The following MBP variants were observed in gnomAD, a reference collection of about 807,000 sequenced individuals.
MBP encodes the protein myelin basic protein.
Under a neutral mutation model 35.8 loss-of-function variants are expected in MBP, and 16 were observed. That is an observed-to-expected ratio of 0.45 (90% CI 0.30 to 0.68). The LOEUF (loss-of-function observed/expected upper bound fraction) is 0.68, where lower values mean the gene tolerates loss of function less well. Ranked by LOEUF, MBP falls within the 30% of genes least tolerant of loss-of-function variation. The probability of loss-of-function intolerance (pLI) is 0.08; values close to 1 mark genes in which losing one functional copy is unlikely to be tolerated. For missense variants in MBP, 380 were observed against 404.7 expected, an observed-to-expected ratio of 0.94 and a Z score of 0.52; for synonymous variants, 143 against 159.6, an observed-to-expected ratio of 0.90 and a Z score of 0.78.
At chr18:77,050,148 A>C (rs1399248716) in intron 3 of MBP, among the ~76,000 whole-genome samples, 1 of 152,226 alleles carries the variant, frequency 6.6e-6, no homozygotes, top group Non-Finnish European at 1.5e-5. Flanking sequence ...GCTATTCCAA[A>C]TTCTTGTTCA....
intron 8 of MBP, 75 bp from the exon 9 acceptor site, chr18:76,980,546 T>C (rs1271601469): frequency 8.6e-7 from 1 of 1,167,652 alleles, no homozygotes; most frequent in Non-Finnish European, 1.3e-6. Context: ...TCTTCTGTGG[T>C]CCCGGGTGGA....
In MBP at chr18:77,046,293, G is replaced by A. The variant is rs575530561; in HGVS notation, c.139+20005C>T. Among the ~76,000 whole-genome samples, 29 of 152,266 alleles carry A rather than the reference G, an allele frequency of 1.9e-4. 1 individual carries two copies. The highest frequency in any genetic ancestry group is 6.7e-4 in the African/African-American group (28 of 41,554). ...TTCTCAGGCACGGAAGCTTACTCCC[G>A]CATTAGCAAGATACCCAGTTTTGTC... On this transcript the variant is annotated intron_variant, in intron 3 of 8. Transcript: ENST00000355994.
intron 1 of MBP, among the ~76,000 whole-genome samples, chr18:77,116,677 G>A (rs1225387956): frequency 6.6e-6 from 1 of 152,120 alleles, no homozygotes; most frequent in African/African-American, 2.4e-5. Context: ...TGGCCAACAC[G>A]GCGAAACCCC....
chr18:77,035,531 CT>C (rs1480766560), intron 3 of MBP, among the ~76,000 whole-genome samples: 1 of 152,204 alleles, frequency 6.6e-6, no homozygotes, highest in Non-Finnish European at 1.5e-5. Flanking sequence ...AGTGCTCTCC[CT>C]GTGCTAGGAT....
At position 77,015,015 on chromosome 18, in the gene MBP, T is replaced by A. The variant is rs1971550406; in HGVS notation, c.576+1817A>T. 3 of 984,234 alleles carry A rather than the reference T, an allele frequency of 3.0e-6. No homozygotes were observed. The South Asian group carries it at 1.4e-4, about 46-fold the overall frequency. The allele number at this position is 984,234 out of a possible 1,614,324, so 61.0% of individuals were successfully genotyped here. On this transcript the variant is annotated intron_variant, in intron 4 of 8. Transcript: ENST00000355994. ...CCTGTTTTGCAAAGAGATGGACTAT[T>A]TCTGAGACTAGAATGTTTTCTTTGA...
In MBP at chr18:76,984,689, C is replaced by T. The variant is rs933913562; in HGVS notation, c.870+86G>A. The T allele has an allele frequency of 1.5e-5, 24 of 1,579,228 alleles. No individual in the cohort carries two copies. The East Asian group carries it at 1.8e-4, about 12-fold the overall frequency. On this transcript the variant is annotated intron_variant, in intron 8 of 8. Coordinates refer to ENST00000355994, the MANE Select transcript of MBP (RefSeq NM_001025101.2). ...GGGTACAGTGCGGCTGAGCCAGAGG[C>T]GGCAGCCACCCTTGTACTCAGCTTA... is the stretch of plus-strand genomic sequence containing the variant.
At chr18:77,100,951 C>T (rs546443338) in intron 2 of MBP, among the ~76,000 whole-genome samples, 1 of 152,188 alleles carries the variant, frequency 6.6e-6, no homozygotes, top group South Asian at 2.1e-4. Context: ...AGATCCACAG[C>T]ATTCAGAGAA....
intron 1 of MBP, chr18:77,128,044 C>A (rs1977114975): frequency 6.6e-6 from 1 of 152,148 alleles, no homozygotes; most frequent in African/African-American, 2.4e-5. Flanking sequence ...GCATTTATCC[C>A]AGAGAAATGA....
At chr18:77,073,894 G>A (rs1974547932) in intron 2 of MBP, among the ~76,000 whole-genome samples, 1 of 152,180 alleles carries the variant, frequency 6.6e-6, no homozygotes, top group South Asian at 2.1e-4. Flanking sequence ...CAAGCTAAAA[G>A]ATCACCATGA....
intron 2 of MBP, among the ~76,000 whole-genome samples, chr18:77,084,363 C>A (rs893022174): frequency 5.3e-5 from 8 of 150,100 alleles, no homozygotes; most frequent in Non-Finnish European, 1.2e-4. Context: ...AGAGCTGCTA[C>A]AAAAGACTGC....
At chr18:76,986,477 ACTTGCACAGTTTT>A in intron 7 of MBP, 3 of 985,466 alleles carry the variant, frequency 3.0e-6, no homozygotes, top group Non-Finnish European at 3.6e-6. Context: ...CATACAAGCT[ACTTGCACAGTTTT>A]CTTTTCATTC....
At position 76,979,943 on chromosome 18, in the gene MBP, G is replaced by T. The variant is rs1969083440; in HGVS notation, c.*484C>A. 1.4e-6 allele frequency: 1 copy of T among 702,514 alleles called. No individual in the cohort carries two copies. Among genetic ancestry groups the T allele is most frequent in the African/African-American group, 1.7e-5 (1 of 57,348 alleles). The allele number at this position is 702,514 out of a possible 1,614,324, so 43.5% of individuals were successfully genotyped here. A position where few individuals can be genotyped will look rare whatever the true frequency, so the allele number is the denominator to read the frequency against. On this transcript the variant is annotated 3_prime_UTR_variant, in exon 9 of 9. Transcript: ENST00000355994. ...TTAGGAAAAATGAAGTCTACTTTAG[G>T]AGGTGAGAGAAGGACAGGAAAAAAA... is the stretch of plus-strand genomic sequence containing the variant.
At position 76,988,466 on chromosome 18, in the gene MBP, A is replaced by AAGCC. The variant is rs753139154; in HGVS notation, c.750+25_750+28dup. On this transcript the variant is annotated intron_variant, in intron 7 of 8. Transcript: ENST00000355994. This position sits in a 1 kb window ranked among gnomAD's most constrained non-coding sequence, Gnocchi z 5.2. ...GCTGTGAGGACTGGGACGGAAGAGG[A>AAGCC]AGCCGATGGAAGTGCGTTCGTCACC... The AAGCC allele has an allele frequency of 3.1e-6, 5 of 1,614,222 alleles. No individual in the cohort carries two copies. The highest frequency in any genetic ancestry group is 4.2e-6 in the Non-Finnish European group (5 of 1,180,032).
At chr18:77,080,521 C>A (rs1436034973) in intron 2 of MBP, among the ~76,000 whole-genome samples, 1 of 152,160 alleles carries the variant, frequency 6.6e-6, no homozygotes, top group Non-Finnish European at 1.5e-5. Flanking sequence ...ACAACCAGAC[C>A]GTCTGCAGGC....
chr18:77,125,771 C>T (rs775463676), intron 1 of MBP, among the ~76,000 whole-genome samples: 6 of 151,496 alleles, frequency 4.0e-5, no homozygotes, highest in South Asian at 4.2e-4. Context: ...AACTTTTACT[C>T]GATAAAATAT....
At chr18:76,985,413 C>G in intron 7 of MBP, 1 of 1,215,660 alleles carries the variant, frequency 8.2e-7, no homozygotes, top group Non-Finnish European at 1.0e-6. Context: ...CACATGTGCC[C>G]TGTGGTTCTA....
chr18:77,092,335 C>T (rs552214987), intron 2 of MBP, among the ~76,000 whole-genome samples: 1 of 152,306 alleles, frequency 6.6e-6, no homozygotes, highest in South Asian at 2.1e-4. Flanking sequence ...TGAATGCGCT[C>T]CCCACCCCAG....
chr18:77,085,683 G>GTTTTTTT (rs10645727), intron 2 of MBP, among the ~76,000 whole-genome samples: 3 of 124,246 alleles, frequency 2.4e-5, no homozygotes, highest in Non-Finnish European at 3.3e-5. Flanking sequence ...AGTGCAATAA[G>GTTTTTTT]TTTTTTTTTT....
chr18:76,992,397 G>A lies in MBP; in HGVS notation c.577-2337C>T, dbSNP rs538192569. On this transcript the variant is annotated intron_variant, in intron 4 of 8. Coordinates refer to ENST00000355994, the MANE Select transcript of MBP (RefSeq NM_001025101.2). ...CAGAGCTCAGGAGATAATCTCACTC[G>A]CCCGCTGCTCACCTCCTGCTGTGCA... is the stretch of plus-strand genomic sequence containing the variant. Among the ~76,000 whole-genome samples, 3 of 152,198 alleles carry A rather than the reference G, an allele frequency of 2.0e-5. No individual in the cohort carries two copies. In the East Asian group the frequency reaches 5.8e-4, roughly 29 times the overall value.
Sources: allele counts gnomAD v4.1 joint callset (sites outside exome capture counted in the v4.1 genomes callset), GRCh38; gene constraint gnomAD v4.1.1; non-coding constraint Gnocchi (gnomAD v3.1); transcripts MANE v1.5; gene names NCBI Gene and HGNC (gene_info 2026-07-23, HGNC 2026-07-21).